The following EEF2 variants were observed in gnomAD, a reference collection of about 807,000 sequenced individuals.
EEF2 encodes the protein elongation factor 2.
A neutral mutation model predicts 85.3 loss-of-function variants in EEF2; 21 were observed. That is an observed-to-expected ratio of 0.25 (90% CI 0.17 to 0.35). The LOEUF (loss-of-function observed/expected upper bound fraction) is 0.35, where lower values mean the gene tolerates loss of function less well. Ranked by LOEUF, EEF2 falls within the 10% of genes least tolerant of loss-of-function variation. The pLI is 1.00. For synonymous variants in EEF2, 723 were observed against 508.8 expected, an observed-to-expected ratio of 1.42 and a Z score of -5.67; for missense variants, 825 against 1,225.3, an observed-to-expected ratio of 0.67 and a Z score of 4.88.
Position 3,983,104 on chromosome 19 carries a change from G to A in EEF2, c.400+6C>T. ...AGGCCGTGCCTCAGGGGGACCCACT[G>A]CTTACCTGACACGCAGTCCACCACC... is the stretch of plus-strand genomic sequence containing the variant. On this transcript the variant is annotated splice_donor_region_variant and intron_variant, in intron 3 of 14. Transcript: ENST00000309311. 2 of 1,613,508 alleles carry A rather than the reference G, an allele frequency of 1.2e-6. No homozygotes were observed. Among genetic ancestry groups the A allele is most frequent in the South Asian group, 1.1e-5 (1 of 91,070 alleles).
intron 7 of EEF2, 83 bp from the exon 8 acceptor site, chr19:3,981,062 A>C (rs529210777): frequency 6.7e-7 from 1 of 1,494,140 alleles, no homozygotes; most frequent in South Asian, 1.3e-5. Flanking sequence ...TCTTGAAGCC[A>C]AGGAAGCCAA....
chr19:3,983,344 G>C, intron 2 of EEF2, 53 bp from the exon 3 acceptor site: 2 of 1,570,114 alleles, frequency 1.3e-6, no homozygotes, highest in Non-Finnish European at 1.7e-6. Context: ...CCTGGCCCAG[G>C]GAGTCTGGGA....
chr19:3,981,334 C>G lies in EEF2; in HGVS notation c.1011+5G>C. ...TCCACCCCGAGGGCTGGGCCCAGGC[C>G]GCACCTTCAGCAGGGGTTTGCCTTC... is the stretch of plus-strand genomic sequence containing the variant. On this transcript the variant is annotated splice_donor_5th_base_variant and intron_variant, in intron 7 of 14. Transcript: ENST00000309311. 6.2e-7 allele frequency: 1 copy of G among 1,613,594 alleles called. No individual in the cohort carries two copies.
chr19:3,983,076 T>C (rs1354912360), intron 3 of EEF2, 34 bp downstream of exon 3: 1 of 1,611,736 alleles, frequency 6.2e-7, no homozygotes, highest in Admixed American at 1.7e-5. Context: ...GGCCCCCGGT[T>C]CCAGGCCGTG....
chr19:3,977,467 C>T lies in EEF2; in HGVS notation c.2211G>A (p.Gln737=), dbSNP rs1222497423. 6.3e-7 allele frequency: 1 copy of T among 1,582,466 alleles called. No individual in the cohort carries two copies. The highest frequency in any genetic ancestry group is 8.6e-7 in the Non-Finnish European group (1 of 1,166,522). The part of the protein sequence containing the change: ...RCLYASVLTA[Q]PRLMEPIYLV... The stretch of plus-strand genomic sequence containing the variant: ...GGTAGATGGGCTCCATGAGGCGTGG[C>T]TGGGCGGTCAGCACACTGGCATAGA... Residue 737 remains glutamine, a synonymous_variant, in exon 13 of 15, where the codon CAG becomes CAA. Transcript: ENST00000309311. This position sits in a 1 kb window ranked among gnomAD's most constrained non-coding sequence, Gnocchi z 5.4.
At chr19:3,984,575 AT>A (rs1215878807) in intron 1 of EEF2, among the ~76,000 whole-genome samples, 1 of 152,192 alleles carries the variant, frequency 6.6e-6, no homozygotes, top group Non-Finnish European at 1.5e-5. Flanking sequence ...CAACCCAGAA[AT>A]AAAAGTGCTC....
chr19:3,981,091 C>A, intron 7 of EEF2, 112 bp from the exon 8 acceptor site: 1 of 1,457,568 alleles, frequency 6.9e-7, no homozygotes, highest in Non-Finnish European at 9.1e-7. Context: ...CTAACGTTCT[C>A]CAAAGCACAG....
At chr19:3,981,719 G>C (rs1299947964) in intron 6 of EEF2, among the ~76,000 whole-genome samples, 2 of 152,244 alleles carry the variant, frequency 1.3e-5, no homozygotes, top group East Asian at 3.8e-4. Flanking sequence ...AAAGCCACAA[G>C]TTATTCAACC....
At position 3,977,429 on chromosome 19, in the gene EEF2, T is replaced by C. The variant is rs1315125570; in HGVS notation, c.2249A>G (p.Gln750Arg). Residue 750 changes from glutamine (Q) to arginine (R), a missense_variant and splice_region_variant, in exon 13 of 15, where the codon CAG becomes CGG. By Grantham distance (43) the Gln-to-Arg change is conservative. Transcript: ENST00000309311. This position sits in a 1 kb window ranked among gnomAD's most constrained non-coding sequence, Gnocchi z 5.4. The part of the protein sequence containing the change: ...LMEPIYLVEI[Q>R]CPEQVVGGIY... The stretch of plus-strand genomic sequence containing the variant: ...CAGCGGTGGGCGGGTAGACCTCACC[T>C]GGATCTCCACAAGGTAGATGGGCTC... 6.3e-7 allele frequency: 1 copy of C among 1,583,682 alleles called. No homozygotes were observed. The highest frequency in any genetic ancestry group is 8.6e-7 in the Non-Finnish European group (1 of 1,164,632).
chr19:3,981,821 TC>T, intron 6 of EEF2, 125 bp downstream of exon 6: 1 of 839,802 alleles, frequency 1.2e-6, no homozygotes. Flanking sequence ...GAGCTGTGCC[TC>T]CTCCCATCTC....
chr19:3,982,453 G>GT (rs1431308441), intron 4 of EEF2, 29 bp from the exon 5 acceptor site: 27 of 1,613,568 alleles, frequency 1.7e-5, no homozygotes, highest in Non-Finnish European at 2.2e-5. Context: ...AGAAGCAGCC[G>GT]TGAGGGCCCC....
rs745492144 is a variant in EEF2 at position 3,980,648 on chromosome 19, G to C, written c.1212C>G (p.Thr404=). ...AGGCGTAGAACCGACCTTTGTCGGAGGTTGGCACCATTTTGGAAATATACA... is the reference window on the plus strand; with the variant it reads ...AGGCGTAGAACCGACCTTTGTCGGACGTTGGCACCATTTTGGAAATATACA... ...LMMYISKMVP[T]SDKGRFYAFG... Residue 404 remains threonine, a synonymous_variant, in exon 9 of 15, where the codon ACC becomes ACG. Coordinates refer to ENST00000309311, the MANE Select transcript of EEF2 (RefSeq NM_001961.4). The C allele has an allele frequency of 2.5e-6, 4 of 1,614,222 alleles. No individual in the cohort carries two copies. The highest frequency in any genetic ancestry group is 8.5e-7 in the Non-Finnish European group (1 of 1,180,038).
At chr19:3,982,745 C>A (rs2039770280) in intron 4 of EEF2, 62 bp downstream of exon 4, 1 of 1,539,620 alleles carries the variant, frequency 6.5e-7, no homozygotes, top group Admixed American at 1.9e-5. Flanking sequence ...CAACTCCACT[C>A]CCCACCGGCT....
rs1302798561 is a variant in EEF2 at position 3,981,354 on chromosome 19, G to C, written c.996C>G (p.Gly332=). The C allele has an allele frequency of 9.3e-6, 15 of 1,614,074 alleles. No individual in the cohort carries two copies. Among genetic ancestry groups the C allele is most frequent in the Non-Finnish European group, 1.2e-5 (14 of 1,180,014 alleles). Residue 332 remains glycine (G), a synonymous_variant, in exon 7 of 15, where the codon GGC becomes GGG. Coordinates refer to ENST00000309311, the MANE Select transcript of EEF2 (RefSeq NM_001961.4). ...CAGGCCGCACCTTCAGCAGGGGTTT[G>C]CCTTCTTTGTCCTTGTCCTCGCTGT... ...KLDSEDKDKE[G]KPLLKAVMRR... is the part of the protein sequence containing the mutation.
chr19:3,982,579 G>A (rs760895723), intron 4 of EEF2, 155 bp from the exon 5 acceptor site: 45 of 1,129,466 alleles, frequency 4.0e-5, no homozygotes, highest in Non-Finnish European at 5.9e-5. Flanking sequence ...GAATAGGGGG[G>A]CCAGCCCCTC....
Position 3,984,198 on chromosome 19 carries a change from C to T in EEF2, c.156G>A (p.Gly52=). ...KAGIIASARA[G]ETRFTDTRKD... is the part of the protein sequence containing the mutation. ...TCCGGGTATCAGTGAAGCGTGTCTC[C>T]CCGGCCCGGGCCGAGGCGATGATGC... Residue 52 remains glycine (G), a synonymous_variant, in exon 2 of 15, where the codon GGG becomes GGA. Coordinates refer to ENST00000309311, the MANE Select transcript of EEF2 (RefSeq NM_001961.4). 6.2e-7 allele frequency: 1 copy of T among 1,614,086 alleles called. No individual in the cohort carries two copies. Among genetic ancestry groups the T allele is most frequent in the Non-Finnish European group, 8.5e-7 (1 of 1,180,018 alleles).
In EEF2 at chr19:3,976,369, AAT is replaced by A; in HGVS notation, c.*183_*184del. ...GTGTCTGCTGCCTCCGGACTCTGGA[AAT>A]AAATATTGAAAGAAACGGCATCAAG... is the stretch of plus-strand genomic sequence containing the variant. On this transcript the variant is annotated 3_prime_UTR_variant, in exon 15 of 15. Coordinates refer to ENST00000309311, the MANE Select transcript of EEF2 (RefSeq NM_001961.4). 1.5e-6 allele frequency: 1 copy of A among 674,700 alleles called. No homozygotes were observed. Among genetic ancestry groups the A allele is most frequent in the Non-Finnish European group, 2.4e-6 (1 of 415,326 alleles). The allele number at this position is 674,700 out of a possible 1,614,324, so 41.8% of individuals were successfully genotyped here.
At chr19:3,984,532 G>A (rs953248022) in intron 1 of EEF2, among the ~76,000 whole-genome samples, 182 bp from the exon 2 acceptor site, 1 of 152,144 alleles carries the variant, frequency 6.6e-6, no homozygotes, top group Non-Finnish European at 1.5e-5. Context: ...AATCTCCAAG[G>A]AACCACCGTT....
chr19:3,977,645 A>G lies in EEF2; in HGVS notation c.2068-35T>C. 6.0e-6 allele frequency: 9 copies of G among 1,489,092 alleles called. No homozygotes were observed. Among genetic ancestry groups the G allele is most frequent in the Non-Finnish European group, 8.0e-6 (9 of 1,124,948 alleles). The allele number at this position is 1,489,092 out of a possible 1,614,324, so 92.2% of individuals were successfully genotyped here. ...GGGGAGAGCCACCGTCAAGGGCCGG[A>G]CACACCTCGGCTGCTTGCCCTCCAC... On this transcript the variant is annotated intron_variant, in intron 12 of 14. Transcript: ENST00000309311. The surrounding 1 kb of genome is among the most constrained non-coding windows in gnomAD (Gnocchi z 5.4).
Sources: gnomAD v4.1 joint callset for allele counts (sites outside exome capture counted in the v4.1 genomes callset) on GRCh38, gnomAD v4.1.1 for gene constraint, Gnocchi (gnomAD v3.1) non-coding constraint, MANE v1.5 for transcripts, NCBI Gene and HGNC (gene_info 2026-07-23, HGNC 2026-07-21) for gene names.